The following RIC8B variants were observed in gnomAD, a reference collection of about 807,000 sequenced individuals.
RIC8B encodes chaperone Ric-8B.
A neutral mutation model predicts 57.5 loss-of-function variants in RIC8B; 16 were observed. That is an observed-to-expected ratio of 0.28 (90% CI 0.19 to 0.42). The LOEUF (loss-of-function observed/expected upper bound fraction) is 0.42. Ranked by LOEUF, RIC8B falls within the 10% of genes least tolerant of loss-of-function variation. The pLI is 1.00. For synonymous variants in RIC8B, 216 were observed against 250.8 expected (o/e 0.86, Z 1.31); for missense variants, 481 against 677.0 (o/e 0.71, Z 3.21).
intron 4 of RIC8B, among the ~76,000 whole-genome samples, chr12:106,834,861 G>A (rs1015073696): frequency 2.5e-4 from 38 of 151,486 alleles, no homozygotes; most frequent in Non-Finnish European, 5.5e-4. Flanking sequence ...GCGGGTGCCT[G>A]TAGTCCCAGG....
At chr12:106,801,537 C>T (rs2044731270) in intron 2 of RIC8B, among the ~76,000 whole-genome samples, 1 of 152,066 alleles carries the variant, frequency 6.6e-6, no homozygotes, top group Non-Finnish European at 1.5e-5. Context: ...CAGCCTCGTT[C>T]ATAGAGACAG....
chr12:106,840,511 C>T (rs1247803295), intron 4 of RIC8B, among the ~76,000 whole-genome samples: 1 of 152,182 alleles, frequency 6.6e-6, no homozygotes, highest in Non-Finnish European at 1.5e-5. Context: ...GAATTTCATA[C>T]ACTCTTCTAC....
At chr12:106,836,383 C>T (rs998520084) in intron 4 of RIC8B, among the ~76,000 whole-genome samples, 2 of 152,164 alleles carry the variant, frequency 1.3e-5, no homozygotes, top group South Asian at 4.1e-4. Flanking sequence ...ACTCCAGACT[C>T]ACCTAGCTAA....
chr12:106,863,868 T>C (rs190052369), intron 8 of RIC8B, among the ~76,000 whole-genome samples: 158 of 152,254 alleles, frequency 1.0e-3, no homozygotes, highest in South Asian at 2.3e-3. Context: ...CGGCCTGACA[T>C]GGGAAACATT....
chr12:106,814,593 C>A (rs1450982647), intron 2 of RIC8B, 103 bp from the exon 3 acceptor site: 1 of 1,215,502 alleles, frequency 8.2e-7, no homozygotes, highest in Non-Finnish European at 1.2e-6. Flanking sequence ...AACCTTTTCT[C>A]TCTGGATTTT....
At chr12:106,781,357 C>T (rs2043755643) in intron 1 of RIC8B, among the ~76,000 whole-genome samples, 1 of 152,142 alleles carries the variant, frequency 6.6e-6, no homozygotes, top group Admixed American at 6.5e-5. Context: ...AATACATGTA[C>T]AGCTGGAAAT....
chr12:106,785,813 C>CTGTG lies in RIC8B; in HGVS notation c.132+1801_132+1804dup, dbSNP rs61337359. On this transcript the variant is annotated intron_variant, in intron 2 of 9. Coordinates refer to ENST00000392837, the MANE Select transcript of RIC8B (RefSeq NM_001330145.2). ...TCTCTCTCTCTCTCTCTCTCTCTCT[C>CTGTG]TGTGTGTGTGTGTGTGTGTGTGTGT... Among the ~76,000 whole-genome samples, 175 of 123,934 alleles carry CTGTG rather than the reference C, an allele frequency of 1.4e-3. 1 individual carries two copies. Among genetic ancestry groups the CTGTG allele is most frequent in the Middle Eastern group, 4.0e-3 (1 of 252 alleles). The allele number at this position is 123,934 out of a possible 152,430, so 81.3% of individuals were successfully genotyped here.
chr12:106,815,067 C>T lies in RIC8B; in HGVS notation c.504C>T (p.Leu168=). The T allele has an allele frequency of 6.2e-7, 1 of 1,614,252 alleles. No homozygotes were observed. Among genetic ancestry groups the T allele is most frequent in the Non-Finnish European group, 8.5e-7 (1 of 1,180,048 alleles). ...TTAAGTGCTTTGACTTGCGCTTGCT[C>T]TTCCTTCTGTCACTTTTGCACACCG... The part of the protein sequence containing the change: ...NDIKCFDLRL[L]FLLSLLHTDI... Residue 168 remains leucine (L), a synonymous_variant, in exon 3 of 10, where the codon CTC becomes CTT. Transcript: ENST00000392837.
intron 2 of RIC8B, among the ~76,000 whole-genome samples, chr12:106,808,361 T>G (rs2045158757): frequency 6.6e-6 from 1 of 152,140 alleles, no homozygotes; most frequent in Non-Finnish European, 1.5e-5. Flanking sequence ...GACAACTATA[T>G]TTATGAAACT....
Position 106,825,746 on chromosome 12 carries a change from T to C in RIC8B, c.762T>C (p.Arg254=). The C allele has an allele frequency of 6.2e-7, 1 of 1,613,568 alleles. No homozygotes were observed. Among genetic ancestry groups the C allele is most frequent in the Non-Finnish European group, 8.5e-7 (1 of 1,179,500 alleles). Residue 254 remains arginine (R), a synonymous_variant, in exon 4 of 10, where the codon CGT becomes CGC. Transcript: ENST00000392837. The part of the protein sequence containing the change: ...VHKESDSHQF[R]VMAAVLRHCL... The stretch of plus-strand genomic sequence containing the variant: ...CATAGAGTGATTCTCATCAGTTCCG[T>C]GTAATGGCAGCTGTCCTTCGTCATT...
At chr12:106,851,315 CTTTTTTTTT>C (rs34606963) in intron 6 of RIC8B, 126 bp from the exon 7 acceptor site, 5 of 211,496 alleles carry the variant, frequency 2.4e-5, no homozygotes, top group Non-Finnish European at 4.3e-5. Flanking sequence ...GGAAGCTAAC[CTTTTTTTTT>C]TTTTTTTTTT....
chr12:106,776,032 A>G (rs921168535), intron 1 of RIC8B, among the ~76,000 whole-genome samples: 1 of 152,106 alleles, frequency 6.6e-6, no homozygotes, highest in African/African-American at 2.4e-5. Flanking sequence ...CTTCCCAACA[A>G]CCCTGGGAGG....
intron 2 of RIC8B, among the ~76,000 whole-genome samples, chr12:106,801,734 T>C (rs1331232697): frequency 6.6e-6 from 1 of 152,218 alleles, no homozygotes; most frequent in Non-Finnish European, 1.5e-5. Flanking sequence ...CCAGAACCTT[T>C]ATTAAAAACA....
rs17038775 is a variant in RIC8B, at chr12:106,782,607, G to C, written c.85-1390G>C. ...TTTAAAATCCATGCCCTTACCACCTGAGTTCATTCCTTTTAATTGTTTTGC... is the reference window on the plus strand; with the variant it reads ...TTTAAAATCCATGCCCTTACCACCTCAGTTCATTCCTTTTAATTGTTTTGC... On this transcript the variant is annotated intron_variant, in intron 1 of 9. Coordinates refer to ENST00000392837, the MANE Select transcript of RIC8B (RefSeq NM_001330145.2). Among the ~76,000 whole-genome samples, 488 of 152,310 alleles carry C rather than the reference G, an allele frequency of 3.2e-3. 9 individuals are homozygous for C. The East Asian group carries it at 0.07, about 22-fold the overall frequency.
chr12:106,778,888 C>T (rs2043612937), intron 1 of RIC8B, among the ~76,000 whole-genome samples: 1 of 152,148 alleles, frequency 6.6e-6, no homozygotes, highest in African/African-American at 2.4e-5. Flanking sequence ...TAGAAAACAC[C>T]ATAGTATTTG....
Position 106,879,309 on chromosome 12 carries a change from T to C in RIC8B, c.1572-6595T>C. 1 of 985,398 alleles carries C rather than the reference T, an allele frequency of 1.0e-6. No homozygotes were observed. Among genetic ancestry groups the C allele is most frequent in the Non-Finnish European group, 1.2e-6 (1 of 829,918 alleles). 61.0% of individuals were successfully genotyped at this position (985,398 alleles called of 1,614,324 possible). A position where few individuals can be genotyped will look rare whatever the true frequency, so the allele number is the denominator to read the frequency against. On this transcript the variant is annotated intron_variant, in intron 9 of 9. Transcript: ENST00000392837. The surrounding 1 kb of genome is among the most constrained non-coding windows in gnomAD (Gnocchi z 4.9). ...CTTTCAGGTCAAGTAAAGTGTTTTA[T>C]ACACATACACGTCTGACCTATTCTA...
intron 2 of RIC8B, among the ~76,000 whole-genome samples, chr12:106,786,113 G>A (rs1038878878): frequency 6.9e-6 from 1 of 145,644 alleles, no homozygotes; most frequent in Non-Finnish European, 1.5e-5. Flanking sequence ...GATCACAGGT[G>A]TGAGCCACCA....
chr12:106,855,034 A>G (rs1467099048), intron 7 of RIC8B, among the ~76,000 whole-genome samples: 2 of 152,198 alleles, frequency 1.3e-5, no homozygotes, highest in Non-Finnish European at 2.9e-5. Flanking sequence ...TAGGCCTTAC[A>G]TTGTTTAATT....
intron 4 of RIC8B, among the ~76,000 whole-genome samples, chr12:106,832,679 A>G (rs73200065): frequency 0.022 from 3,389 of 152,294 alleles, 63 homozygotes; most frequent in Non-Finnish European, 0.031. Context: ...AATAAATATT[A>G]GTTGGATGAA....
Sources: allele counts gnomAD v4.1 joint callset (sites outside exome capture counted in the v4.1 genomes callset), GRCh38; gene constraint gnomAD v4.1.1; non-coding constraint Gnocchi (gnomAD v3.1); transcripts MANE v1.5; gene names NCBI Gene and HGNC (gene_info 2026-07-23, HGNC 2026-07-21).